RALGDS: variants seen among roughly 807,000 people sequenced by gnomAD.
RALGDS encodes the protein ral guanine nucleotide dissociation stimulator.
Under a neutral mutation model 99.8 loss-of-function variants are expected in RALGDS, and 44 were observed. The observed-to-expected ratio is 0.44, with a 90% CI of 0.35 to 0.57. RALGDS has a LOEUF of 0.57. RALGDS is among the 20% of genes least tolerant of loss of function. RALGDS has a pLI of 0.01. For missense variants in RALGDS, 1,022 were observed against 1,203.1 expected (o/e 0.85, Z 2.23); for synonymous variants, 529 against 505.0 (o/e 1.05, Z -0.64).
intron 8 of RALGDS, 65 bp downstream of exon 8, chr9:133,106,580 G>T: frequency 7.8e-7 from 1 of 1,281,132 alleles, no homozygotes; most frequent in Non-Finnish European, 1.1e-6. Flanking sequence ...GGCTCACTAA[G>T]GGGGTGATGC....
chr9:133,111,573 G>A (rs573162990), intron 2 of RALGDS, among the ~76,000 whole-genome samples: 101 of 152,326 alleles, frequency 6.6e-4, no homozygotes, highest in Middle Eastern at 3.4e-3. Flanking sequence ...GAGCCACTGC[G>A]CCTGGCTCCT....
chr9:133,112,241 C>T, intron 1 of RALGDS, 89 bp from the exon 2 acceptor site: 1 of 855,926 alleles, frequency 1.2e-6, no homozygotes, highest in Admixed American at 2.0e-5. Context: ...TAACCTGTTT[C>T]CCAGATAGGG....
upstream of RALGDS, among the ~76,000 whole-genome samples, chr9:133,125,459 C>T (rs1024154366): frequency 6.6e-6 from 1 of 152,160 alleles, no homozygotes; most frequent in African/African-American, 2.4e-5. Flanking sequence ...AATGGCCAGA[C>T]GCAGTGGCTC....
At chr9:133,108,552 G>C (rs1831186264) in intron 5 of RALGDS, 121 bp downstream of exon 5, 1 of 1,434,140 alleles carries the variant, frequency 7.0e-7, no homozygotes, top group Non-Finnish European at 9.6e-7. Context: ...GTCCCTGCCT[G>C]TGTGGTCTGA....
At chr9:133,100,506 C>A in intron 16 of RALGDS, 124 bp from the exon 17 acceptor site, 1 of 1,581,052 alleles carries the variant, frequency 6.3e-7, no homozygotes. Flanking sequence ...AGCCTCTGGC[C>A]AGGTGCTGGG....
upstream of RALGDS, among the ~76,000 whole-genome samples, chr9:133,121,905 T>TG (rs1206962298): frequency 6.7e-6 from 1 of 150,170 alleles, no homozygotes; most frequent in African/African-American, 2.5e-5. Flanking sequence ...GTGTGTGCAG[T>TG]GGGGGAAAGG....
chr9:133,120,993 G>A lies in RALGDS; in HGVS notation c.162C>T (p.Asp54=). 1 of 1,490,894 alleles carries A rather than the reference G, an allele frequency of 6.7e-7. No homozygotes were observed. The highest frequency in any genetic ancestry group is 8.9e-7 in the Non-Finnish European group (1 of 1,127,108). 92.4% of individuals were successfully genotyped at this position (1,490,894 alleles called of 1,614,324 possible). A position where few individuals can be genotyped will look rare whatever the true frequency, so the allele number is the denominator to read the frequency against. ...CCACCTCCGGGCGCGGCAGGTCGGG[G>A]TCTAGCTGCGTGAAGCTGTGCAGCA... ...PVVLHSFTQL[D]PDLPRPESST... The change falls in exon 1 of 18, where the codon GAC becomes GAT. Residue 54 remains aspartate (D), a synonymous_variant. Coordinates refer to ENST00000372050, the MANE Select transcript of RALGDS (RefSeq NM_006266.4).
chr9:133,107,334 C>G (rs1396308195), intron 6 of RALGDS, 34 bp from the exon 7 acceptor site: 1 of 1,565,906 alleles, frequency 6.4e-7, no homozygotes, highest in Non-Finnish European at 8.7e-7. Context: ...CTGGTCCTGC[C>G]CCAGCAGTCT....
In RALGDS at chr9:133,121,070, C is replaced by A; in HGVS notation, c.85G>T (p.Val29Leu). The A allele has an allele frequency of 6.7e-7, 1 of 1,483,928 alleles. No individual in the cohort carries two copies. Among genetic ancestry groups the A allele is most frequent in the South Asian group, 1.3e-5 (1 of 79,114 alleles). The allele number at this position is 1,483,928 out of a possible 1,614,324, so 91.9% of individuals were successfully genotyped here. The change falls in exon 1 of 18, where the codon GTG becomes TTG. Residue 29 changes from valine (V) to leucine (L), a missense_variant. Transcript: ENST00000372050. ...LFPGSRRSRS[V>L]WDAVRLEVGV... ...ACCTCCAGGCGCACGGCGTCCCACACGCTGCGGCTCCGCCGGGAGCCCGGA... is the reference window on the plus strand; with the variant it reads ...ACCTCCAGGCGCACGGCGTCCCACAAGCTGCGGCTCCGCCGGGAGCCCGGA...
At position 133,116,123 on chromosome 9, in the gene RALGDS, G is replaced by A. The variant is rs373552400; in HGVS notation, c.184-3971C>T. Among the ~76,000 whole-genome samples the A allele has an allele frequency of 5.6e-4, 67 of 119,538 alleles. No homozygotes were observed. The South Asian group carries it at 7.7e-3, about 14-fold the overall frequency. The allele number at this position is 119,538 out of a possible 152,430, so 78.4% of individuals were successfully genotyped here. A position where few individuals can be genotyped will look rare whatever the true frequency, so the allele number is the denominator to read the frequency against. ...TGAGCCCCATCAAGGGAGGTGGAAC[G>A]CAAGGGCCTCGTGTCCGTGTCCGTG... is the stretch of plus-strand genomic sequence containing the variant. On this transcript the variant is annotated intron_variant, in intron 1 of 17. Coordinates refer to ENST00000372050, the MANE Select transcript of RALGDS (RefSeq NM_006266.4).
intron 1 of RALGDS, among the ~76,000 whole-genome samples, chr9:133,143,482 C>A (rs1832558132): frequency 6.6e-6 from 1 of 152,124 alleles, no homozygotes; most frequent in Non-Finnish European, 1.5e-5. Flanking sequence ...TTGCTGGATG[C>A]AGTGTCTCAA....
In RALGDS at chr9:133,144,507, C is replaced by G. The variant is rs1475789657; in HGVS notation, c.18+4456G>C. The stretch of plus-strand genomic sequence containing the variant: ...GGCCGTGCCCCTGGCCTGTTTACAG[C>G]TGTGCGCAAGCTCCTCGCGACCCGA... On this transcript the variant is annotated intron_variant, in intron 1 of 17. Coordinates refer to the RALGDS transcript ENST00000393160. This position sits in a 1 kb window ranked among gnomAD's most constrained non-coding sequence, Gnocchi z 4.5. Among the ~76,000 whole-genome samples the G allele has an allele frequency of 6.6e-6, 1 of 152,234 alleles. No homozygotes were observed. Among genetic ancestry groups the G allele is most frequent in the Non-Finnish European group, 1.5e-5 (1 of 68,040 alleles).
upstream of RALGDS, among the ~76,000 whole-genome samples, chr9:133,125,135 A>G (rs1832107027): frequency 2.0e-5 from 3 of 152,262 alleles, no homozygotes; most frequent in Admixed American, 2.0e-4. Context: ...CAGCAAGACA[A>G]CTGTTTAAAA....
intron 1 of RALGDS, chr9:133,129,102 C>T (rs1832252976): frequency 1.3e-6 from 2 of 1,550,864 alleles, no homozygotes; most frequent in Non-Finnish European, 1.7e-6. Context: ...CACCCAGCCC[C>T]TCCCCGGCAG....
At chr9:133,113,420 G>A (rs191864647) in intron 1 of RALGDS, among the ~76,000 whole-genome samples, 12 of 152,272 alleles carry the variant, frequency 7.9e-5, no homozygotes, top group Middle Eastern at 3.4e-3. Context: ...ACCTGAGGTC[G>A]CCTCCCACGC....
chr9:133,129,494 G>T, intron 1 of RALGDS: 1 of 1,347,884 alleles, frequency 7.4e-7, no homozygotes, highest in Non-Finnish European at 9.6e-7. Flanking sequence ...CTTGTACCAG[G>T]CCATGGGCCA....
rs140853653 is a variant in RALGDS, at chr9:133,127,901, G to A, written c.132+3051C>T. 9.5e-3 allele frequency among the ~76,000 whole-genome samples: 1,440 copies of A among 152,344 alleles called. 21 individuals carry two copies. Among genetic ancestry groups the A allele is most frequent in the African/African-American group, 0.033 (1,359 of 41,568 alleles). The stretch of plus-strand genomic sequence containing the variant: ...CGTCCCAGCACAACCAGAACAAGGT[G>A]TGCCGATGCCGGGAGCAGTGCAAAC... On this transcript the variant is annotated intron_variant, in intron 1 of 17. Transcript: ENST00000372062.
rs1831912197 is a variant in RALGDS at position 133,121,084 on chromosome 9, C to T, written c.71G>A (p.Arg24Gln). 4.1e-6 allele frequency: 6 copies of T among 1,479,382 alleles called. No homozygotes were observed. Among genetic ancestry groups the T allele is most frequent in the Non-Finnish European group, 5.4e-6 (6 of 1,121,122 alleles). 91.6% of individuals were successfully genotyped at this position (1,479,382 alleles called of 1,614,324 possible). ...GGCGTCCCACACGCTGCGGCTCCGCCGGGAGCCCGGAAACAGCGGCTCGGC... is the reference window on the plus strand; with the variant it reads ...GGCGTCCCACACGCTGCGGCTCCGCTGGGAGCCCGGAAACAGCGGCTCGGC... ...GGAEPLFPGSRRSRSVWDAVR... is the reference protein window; with the variant it reads ...GGAEPLFPGSQRSRSVWDAVR... Residue 24 changes from arginine to glutamine, a missense_variant, in exon 1 of 18, where the codon CGG becomes CAG. Physicochemically the swap from Arg to Gln is conservative, Grantham distance 43. Around this residue, in one of 3 missense-constraint regions of RALGDS, gnomAD observed 180 missense variants for 169.3 expected, o/e 1.06. Transcript: ENST00000372050.
chr9:133,100,086 G>T, intron 17 of RALGDS, 182 bp downstream of exon 17: 1 of 696,256 alleles, frequency 1.4e-6, no homozygotes, highest in South Asian at 1.6e-5. Flanking sequence ...GGCACACACT[G>T]GGGAGGTCCA....
Sources: allele counts gnomAD v4.1 joint callset (sites outside exome capture counted in the v4.1 genomes callset), GRCh38; gene constraint gnomAD v4.1.1; regional missense constraint gnomAD v4.1.1; non-coding constraint Gnocchi (gnomAD v3.1); transcripts MANE v1.5; gene names NCBI Gene and HGNC (gene_info 2026-07-23, HGNC 2026-07-21).